The following BLVRA variants were observed in gnomAD, a reference collection of about 807,000 sequenced individuals.
BLVRA encodes the protein BVR A.
A neutral mutation model predicts 32.8 loss-of-function variants in BLVRA; 22 were observed. The observed-to-expected ratio is 0.67, with a 90% CI of 0.48 to 0.96. BLVRA has a LOEUF of 0.96. Among genes scored for constraint, BLVRA ranks in the 40% least tolerant of loss-of-function variants. The probability of loss-of-function intolerance (pLI) is 0.00; values close to 1 mark genes in which losing one functional copy is unlikely to be tolerated. For missense variants in BLVRA, 323 were observed against 358.1 expected (o/e 0.90, Z 0.79); for synonymous variants, 119 against 141.3 (o/e 0.84, Z 1.12).
At chr7:43,777,214 G>GT (rs1316015612) in intron 2 of BLVRA, among the ~76,000 whole-genome samples, 15 of 141,238 alleles carry the variant, frequency 1.1e-4, no homozygotes, top group Admixed American at 1.0e-3. Context: ...TTGCTCGTTA[G>GT]TTGATGCAGT....
At chr7:43,793,565 G>C (rs999115668) in intron 5 of BLVRA, among the ~76,000 whole-genome samples, 6 of 151,990 alleles carry the variant, frequency 3.9e-5, no homozygotes, top group Non-Finnish European at 8.8e-5. Context: ...AAGGAGCTTG[G>C]GACAACCCTG....
chr7:43,791,682 T>C, intron 4 of BLVRA: 1 of 320,424 alleles, frequency 3.1e-6, no homozygotes, highest in Non-Finnish European at 6.1e-6. Context: ...GTGGCCTCCT[T>C]CTTCTCACCA....
chr7:43,770,886 G>A (rs2095753962), intron 1 of BLVRA, among the ~76,000 whole-genome samples: 4 of 152,234 alleles, frequency 2.6e-5, no homozygotes, highest in South Asian at 4.1e-4. Flanking sequence ...AGACGGATCT[G>A]GGCTTGGAAA....
chr7:43,769,144 C>T (rs1172079506), intron 1 of BLVRA, among the ~76,000 whole-genome samples: 1 of 152,030 alleles, frequency 6.6e-6, no homozygotes, highest in Non-Finnish European at 1.5e-5. Context: ...CCTCCTGCCC[C>T]AGCCTCCCAA....
At chr7:43,767,279 A>G (rs1337756515) in intron 1 of BLVRA, 5 of 1,024,738 alleles carry the variant, frequency 4.9e-6, no homozygotes, top group South Asian at 1.3e-5. Context: ...CTGTGCCAGC[A>G]CAACTACACT....
At chr7:43,765,132 C>G (rs1279393221) in intron 1 of BLVRA, among the ~76,000 whole-genome samples, 1 of 152,224 alleles carries the variant, frequency 6.6e-6, no homozygotes, top group East Asian at 1.9e-4. Flanking sequence ...TTGCTTCAAG[C>G]AAGTTGTTTC....
intron 3 of BLVRA, among the ~76,000 whole-genome samples, chr7:43,790,978 T>A (rs912500295): frequency 6.6e-6 from 1 of 152,188 alleles, no homozygotes; most frequent in African/African-American, 2.4e-5. Context: ...CAGCTGTTTC[T>A]TTTGTTTTGG....
chr7:43,786,134 T>C (rs1412898477), intron 2 of BLVRA, among the ~76,000 whole-genome samples: 1 of 152,168 alleles, frequency 6.6e-6, no homozygotes, highest in African/African-American at 2.4e-5. Context: ...ATATGCTGCC[T>C]ATAAGAAACT....
intron 3 of BLVRA, among the ~76,000 whole-genome samples, chr7:43,790,515 T>C (rs181435986): frequency 1.3e-5 from 2 of 152,120 alleles, no homozygotes; most frequent in African/African-American, 4.8e-5. Flanking sequence ...AGCTTAGCTA[T>C]AAAGTAGCTC....
intron 1 of BLVRA, among the ~76,000 whole-genome samples, chr7:43,760,770 C>G (rs1205137768): frequency 7.5e-6 from 1 of 133,158 alleles, no homozygotes; most frequent in Admixed American, 7.6e-5. Context: ...CCTCTTGAGT[C>G]TTTTTTTTTT....
At chr7:43,776,569 G>T (rs1046739574) in intron 2 of BLVRA, among the ~76,000 whole-genome samples, 7 of 152,116 alleles carry the variant, frequency 4.6e-5, no homozygotes, top group Non-Finnish European at 1.0e-4. Context: ...CAACTGTGTG[G>T]TCAGTTTTGG....
At chr7:43,771,489 T>C (rs2095754575) in intron 2 of BLVRA, among the ~76,000 whole-genome samples, 1 of 152,218 alleles carries the variant, frequency 6.6e-6, no homozygotes, top group Non-Finnish European at 1.5e-5. Context: ...CTGGAAACAC[T>C]TTCTCTGCAT....
rs1380622585 is a variant in BLVRA at position 43,807,028 on chromosome 7, T to C, written c.684T>C (p.Tyr228=). 15 of 1,614,028 alleles carry C rather than the reference T, an allele frequency of 9.3e-6. No homozygotes were observed. Among genetic ancestry groups the C allele is most frequent in the African/African-American group, 4.0e-5 (3 of 74,942 alleles). ...EKGPGLKRNR[Y]LSFHFKSGSL... Reference sequence around the variant, plus strand: ...GACCTGGTCTAAAACGAAACAGATATTTAAGCTTCCATTTCAAGTCTGGGT... The same window carrying C: ...GACCTGGTCTAAAACGAAACAGATACTTAAGCTTCCATTTCAAGTCTGGGT... Residue 228 remains tyrosine, a synonymous_variant, in exon 8 of 8, where the codon TAT becomes TAC. Transcript: ENST00000265523.
At chr7:43,765,106 A>G (rs1585709401) in intron 1 of BLVRA, among the ~76,000 whole-genome samples, 1 of 152,206 alleles carries the variant, frequency 6.6e-6, no homozygotes, top group South Asian at 2.1e-4. Context: ...CGGGGGGAGG[A>G]GAAACCTGCT....
chr7:43,792,052 TA>T (rs1000510756), intron 4 of BLVRA, among the ~76,000 whole-genome samples: 1 of 152,190 alleles, frequency 6.6e-6, no homozygotes, highest in Admixed American at 6.5e-5. Context: ...CCCATGCTTA[TA>T]AATATTTGTA....
At chr7:43,779,892 T>C (rs916048486) in intron 2 of BLVRA, among the ~76,000 whole-genome samples, 4 of 151,992 alleles carry the variant, frequency 2.6e-5, no homozygotes, top group African/African-American at 9.7e-5. Context: ...TCTTTTTTTT[T>C]GAGATAGAGC....
At chr7:43,765,667 T>A (rs917843576) in intron 1 of BLVRA, among the ~76,000 whole-genome samples, 3 of 152,204 alleles carry the variant, frequency 2.0e-5, no homozygotes, top group Admixed American at 2.0e-4. Context: ...ATAGTCACAG[T>A]CCCAGTGGAA....
At chr7:43,794,606 T>G (rs931430234) in intron 5 of BLVRA, among the ~76,000 whole-genome samples, 3 of 151,474 alleles carry the variant, frequency 2.0e-5, no homozygotes, top group Non-Finnish European at 3.0e-5. Flanking sequence ...GTGGTGGCGC[T>G]TGCCTGTAGT....
intron 5 of BLVRA, among the ~76,000 whole-genome samples, chr7:43,795,750 C>A (rs2095791909): frequency 6.6e-6 from 1 of 151,440 alleles, no homozygotes; most frequent in Admixed American, 6.6e-5. Context: ...AGAAAAAAAT[C>A]AACAAAACCA....
Sources: allele counts gnomAD v4.1 joint callset (sites outside exome capture counted in the v4.1 genomes callset), GRCh38; gene constraint gnomAD v4.1.1; transcripts MANE v1.5; gene names NCBI Gene and HGNC (gene_info 2026-07-23, HGNC 2026-07-21).